ESR2: variants seen among roughly 807,000 people sequenced by gnomAD.
ESR2 encodes estrogen receptor 2, also known as estrogen receptor beta.
Under a neutral mutation model 49.6 loss-of-function variants are expected in ESR2, and 36 were observed. The ratio of observed to expected loss-of-function variants is 0.73; its 90% confidence interval spans 0.56 to 0.96. The LOEUF (loss-of-function observed/expected upper bound fraction) is 0.96. Ranked by LOEUF, ESR2 falls within the 40% of genes least tolerant of loss-of-function variation. The pLI is 0.00. For synonymous variants in ESR2, 320 were observed against 266.1 expected (o/e 1.20, Z -1.97); for missense variants, 714 against 693.0 (o/e 1.03, Z -0.34).
At chr14:64,251,204 T>C (rs1171624457) in intron 6 of ESR2, among the ~76,000 whole-genome samples, 2 of 151,658 alleles carry the variant, frequency 1.3e-5, no homozygotes, top group African/African-American at 4.8e-5. Context: ...AAAAAACACC[T>C]GAATCACCTT....
intron 1 of ESR2, among the ~76,000 whole-genome samples, chr14:64,319,619 C>T (rs1454110243): frequency 6.6e-6 from 1 of 152,122 alleles, no homozygotes; most frequent in Non-Finnish European, 1.5e-5. Flanking sequence ...GGCAAAAGTT[C>T]TGAACAAAAG....
intron 8 of ESR2, 150 bp from the exon 9 acceptor site, chr14:64,233,473 A>G: frequency 1.5e-6 from 1 of 684,282 alleles, no homozygotes; most frequent in Admixed American, 2.8e-5. Flanking sequence ...TCGTGCATCC[A>G]GCTCCCCCTG....
At position 64,254,089 on chromosome 14, in the gene ESR2, CTTG is replaced by C. The variant is rs558073733; in HGVS notation, c.1091+3134_1091+3136del. Among the ~76,000 whole-genome samples, 904 of 152,218 alleles carry C rather than the reference CTTG, an allele frequency of 5.9e-3. 10 individuals are homozygous for C. Among genetic ancestry groups the C allele is most frequent in the South Asian group, 0.015 (71 of 4,814 alleles). Reference sequence around the variant, plus strand: ...CTCATCCTCAGTAGACACAAGTTTTCTTGTTGTGGACACCTCAACAAGAATAAA... The same window carrying C: ...CTCATCCTCAGTAGACACAAGTTTTCTTGTGGACACCTCAACAAGAATAAA... On this transcript the variant is annotated intron_variant, in intron 6 of 8. Transcript: ENST00000341099.
intron 7 of ESR2, among the ~76,000 whole-genome samples, chr14:64,239,876 G>A (rs2075684632): frequency 6.6e-6 from 1 of 152,180 alleles, no homozygotes; most frequent in African/African-American, 2.4e-5. Flanking sequence ...GCCTCCCCAA[G>A]AGAGAAATAT....
chr14:64,278,290 A>G (rs1234741652), intron 3 of ESR2, among the ~76,000 whole-genome samples: 12 of 152,174 alleles, frequency 7.9e-5, no homozygotes, highest in Non-Finnish European at 1.6e-4. Context: ...GAAACAGGCT[A>G]GGAGGTGAAG....
At chr14:64,277,625 CA>C (rs55742946) in intron 3 of ESR2, among the ~76,000 whole-genome samples, 6,855 of 92,002 alleles carry the variant, frequency 0.075, 64 homozygotes, top group African/African-American at 0.082. Flanking sequence ...ACTCCATCTC[CA>C]AAAAAAAAAA....
At chr14:64,319,066 A>T (rs1390411603) in intron 1 of ESR2, among the ~76,000 whole-genome samples, 2 of 152,284 alleles carry the variant, frequency 1.3e-5, no homozygotes, top group African/African-American at 4.8e-5. Context: ...AAAAAAGTCT[A>T]AATGAGGACT....
intron 7 of ESR2, among the ~76,000 whole-genome samples, chr14:64,247,974 A>C (rs1444776674): frequency 6.6e-6 from 1 of 152,198 alleles, no homozygotes; most frequent in East Asian, 1.9e-4. Context: ...GAAAAGAAAA[A>C]CAAAAATACA....
At chr14:64,235,384 C>G (rs1158056956) in intron 7 of ESR2, among the ~76,000 whole-genome samples, 1 of 152,202 alleles carries the variant, frequency 6.6e-6, no homozygotes, top group Non-Finnish European at 1.5e-5. Context: ...AAATTGCCAC[C>G]TGAAGTGTCC....
chr14:64,260,440 A>G lies in ESR2; in HGVS notation c.952+9T>C. 2.0e-6 allele frequency: 3 copies of G among 1,523,094 alleles called. No individual in the cohort carries two copies. The highest frequency in any genetic ancestry group is 2.6e-6 in the Non-Finnish European group (3 of 1,136,876). The allele number at this position is 1,523,094 out of a possible 1,614,324, so 94.3% of individuals were successfully genotyped here. A position where few individuals can be genotyped will look rare whatever the true frequency, so the allele number is the denominator to read the frequency against. On this transcript the variant is annotated intron_variant, in intron 5 of 8. Coordinates refer to ENST00000341099, the MANE Select transcript of ESR2 (RefSeq NM_001437.3). ...AGTACATGGAAAACTGATAGCCAGA[A>G]AGCCCTACCGGGAATCTTCTTGGCC...
intron 7 of ESR2, among the ~76,000 whole-genome samples, chr14:64,245,789 T>C (rs942554519): frequency 6.6e-6 from 1 of 152,188 alleles, no homozygotes; most frequent in Non-Finnish European, 1.5e-5. Context: ...GGCTTTATAC[T>C]GTAAAGTGTT....
At chr14:64,261,232 C>CTTTCTTTTTT (rs1555577156) in intron 4 of ESR2, among the ~76,000 whole-genome samples, 4 of 88,682 alleles carry the variant, frequency 4.5e-5, no homozygotes, top group East Asian at 4.8e-4. Flanking sequence ...TTTTATTTTT[C>CTTTCTTTTTT]TTTTTTCTTT....
chr14:64,314,347 C>T (rs562394720), intron 1 of ESR2, among the ~76,000 whole-genome samples: 14 of 151,104 alleles, frequency 9.3e-5, no homozygotes, highest in South Asian at 6.4e-4. Flanking sequence ...TTGAGGGACA[C>T]AGCTAAAGCA....
chr14:64,305,239 C>T (rs548337232), intron 1 of ESR2, among the ~76,000 whole-genome samples: 2 of 138,678 alleles, frequency 1.4e-5, no homozygotes, highest in African/African-American at 2.8e-5. Context: ...TGCACTGAGC[C>T]GAGATCGTGC....
At chr14:64,315,148 G>A (rs747163474) in intron 1 of ESR2, among the ~76,000 whole-genome samples, 10 of 150,394 alleles carry the variant, frequency 6.6e-5, no homozygotes, top group Non-Finnish European at 1.5e-4. Context: ...GGAGGCTGAG[G>A]CAGGAAAATC....
intron 1 of ESR2, among the ~76,000 whole-genome samples, chr14:64,313,530 CAAAAA>C (rs60380584): frequency 9.3e-6 from 1 of 107,464 alleles, no homozygotes; most frequent in South Asian, 3.5e-4. Context: ...GAGGCTCTGT[CAAAAA>C]AAAAAAAAAA....
In ESR2 at chr14:64,230,112, G is replaced by A. The variant is rs1026919050; in HGVS notation, c.*3025C>T. Among the ~76,000 whole-genome samples, 3 of 151,488 alleles carry A rather than the reference G, an allele frequency of 2.0e-5. No individual in the cohort carries two copies. Among genetic ancestry groups the A allele is most frequent in the Admixed American group, 6.6e-5 (1 of 15,216 alleles). On this transcript the variant is annotated 3_prime_UTR_variant, in exon 9 of 9. Transcript: ENST00000341099. Reference sequence around the variant, plus strand: ...GATGGGGCACTGTGGTGGGAGGATCGCTTGAGCCCAGGAGGTCGAGGCTGC... The same window carrying A: ...GATGGGGCACTGTGGTGGGAGGATCACTTGAGCCCAGGAGGTCGAGGCTGC...
At chr14:64,288,943 G>A (rs894684899) in intron 1 of ESR2, among the ~76,000 whole-genome samples, 3 of 138,598 alleles carry the variant, frequency 2.2e-5, no homozygotes, top group South Asian at 2.3e-4. Context: ...CCGAGATCAC[G>A]CCACTGCACT....
At chr14:64,235,280 T>A in intron 7 of ESR2, 130 bp from the exon 8 acceptor site, 1 of 913,652 alleles carries the variant, frequency 1.1e-6, no homozygotes, top group Non-Finnish European at 1.6e-6. Flanking sequence ...GGCAGGAGCT[T>A]ATAAGCATGG....
Sources: allele counts gnomAD v4.1 joint callset (sites outside exome capture counted in the v4.1 genomes callset), GRCh38; gene constraint gnomAD v4.1.1; transcripts MANE v1.5; gene names NCBI Gene and HGNC (gene_info 2026-07-23, HGNC 2026-07-21).